The following CEP128 variants were observed in gnomAD, a reference collection of about 807,000 sequenced individuals.
CEP128 encodes centrosomal protein 128.
CEP128 carries 132 observed loss-of-function variants against 156.7 expected under a neutral mutation model. The ratio of observed to expected loss-of-function variants is 0.84; its 90% CI spans 0.73 to 0.97. CEP128 has a LOEUF of 0.97. Among genes scored for constraint, CEP128 ranks in the 50% least tolerant of loss-of-function variants. The pLI, the probability that CEP128 is intolerant of heterozygous loss-of-function variation, is 0.00. For missense variants in CEP128, 1,252 were observed against 1,281.9 expected (o/e 0.98, Z 0.36); for synonymous variants, 469 against 448.9 (o/e 1.04, Z -0.57).
rs185521235 is a variant in CEP128, at chr14:80,525,497, A to G, written c.3072+1372T>C. On this transcript the variant is annotated intron_variant, in intron 23 of 24. Coordinates refer to ENST00000555265, the MANE Select transcript of CEP128 (RefSeq NM_152446.5). ...TTGTGGTTTGTTCTAAAATATGCTC[A>G]ATAATCATTAGCTCTCATAGCCTAA... 3.3e-4 allele frequency among the ~76,000 whole-genome samples: 51 copies of G among 152,308 alleles called. 1 individual carries two copies. The East Asian group carries it at 9.5e-3, about 28-fold the overall frequency.
intron 19 of CEP128, among the ~76,000 whole-genome samples, chr14:80,619,367 G>GACACAC (rs34190837): frequency 0.11 from 15,031 of 139,328 alleles, 878 homozygotes; most frequent in South Asian, 0.15. Context: ...AAGACACACA[G>GACACAC]ACACACACAC....
At chr14:80,799,852 G>GTGCACC (rs1296373167) in intron 13 of CEP128, among the ~76,000 whole-genome samples, 1 of 152,114 alleles carries the variant, frequency 6.6e-6, no homozygotes, top group Non-Finnish European at 1.5e-5. Context: ...AAGACAATAA[G>GTGCACC]TGCACCGCTG....
chr14:80,635,906 G>C (rs1394335427), intron 19 of CEP128, among the ~76,000 whole-genome samples: 3 of 152,202 alleles, frequency 2.0e-5, no homozygotes, highest in Admixed American at 6.5e-5. Flanking sequence ...GAAAAATACA[G>C]CTATCTTCAG....
rs963658686 is a variant in CEP128, at chr14:80,580,327, A to T, written c.2856+47T>A. 5 of 1,275,838 alleles carry T rather than the reference A, an allele frequency of 3.9e-6. No individual in the cohort carries two copies. In the Admixed American group the frequency reaches 8.6e-5, roughly 22 times the overall value. The allele number at this position is 1,275,838 out of a possible 1,614,324, so 79.0% of individuals were successfully genotyped here. ...AATAATAAAGGATAAAAGAGTAAAA[A>T]ACAAATGTTTTCATACCAAGCATGC... On this transcript the variant is annotated intron_variant, in intron 20 of 24. Transcript: ENST00000555265.
intron 2 of CEP128, among the ~76,000 whole-genome samples, chr14:80,937,100 T>G (rs575891166): frequency 4.8e-4 from 73 of 152,280 alleles, no homozygotes; most frequent in African/African-American, 1.6e-3. Flanking sequence ...GGAGGATTGC[T>G]TGAGCCCAAG....
In CEP128 at chr14:80,526,607, C is replaced by A. The variant is rs942554134; in HGVS notation, c.3072+262G>T. ...GACCAGGGGTTTCTTGGCTCTTAAG[C>A]AGCACCAGTTCCCGTAAACAAGTAA... On this transcript the variant is annotated intron_variant, in intron 23 of 24. Coordinates refer to ENST00000555265, the MANE Select transcript of CEP128 (RefSeq NM_152446.5). The A allele has an allele frequency of 1.0e-4, 26 of 261,132 alleles. No individual in the cohort carries two copies. The Admixed American group carries it at 1.3e-3, about 13-fold the overall frequency. 16.2% of individuals were successfully genotyped at this position (261,132 alleles called of 1,614,324 possible). A position where few individuals can be genotyped will look rare whatever the true frequency, so the allele number is the denominator to read the frequency against.
At chr14:80,557,615 G>A (rs2140361290) in intron 21 of CEP128, among the ~76,000 whole-genome samples, 1 of 152,234 alleles carries the variant, frequency 6.6e-6, no homozygotes, top group East Asian at 1.9e-4. Flanking sequence ...CACCAACAAT[G>A]TCATCATACT....
At chr14:80,868,071 T>TC (rs1555358006) in intron 8 of CEP128, among the ~76,000 whole-genome samples, 3 of 151,108 alleles carry the variant, frequency 2.0e-5, no homozygotes, top group Admixed American at 2.0e-4. Flanking sequence ...TGGCAGGGGG[T>TC]GGGGGGAGAC....
intron 13 of CEP128, chr14:80,830,482 T>C: frequency 6.2e-6 from 2 of 320,768 alleles, no homozygotes; most frequent in Non-Finnish European, 1.1e-5. Flanking sequence ...TCATCCATGT[T>C]TAATCTAATT....
chr14:80,739,442 T>C (rs960243538), intron 19 of CEP128, among the ~76,000 whole-genome samples: 8 of 152,150 alleles, frequency 5.3e-5, no homozygotes, highest in Non-Finnish European at 7.4e-5. Context: ...CATCCACCCG[T>C]ATCTTCCAGG....
At chr14:80,807,909 G>A (rs1267269771) in intron 13 of CEP128, among the ~76,000 whole-genome samples, 3 of 152,130 alleles carry the variant, frequency 2.0e-5, no homozygotes, top group East Asian at 3.9e-4. Context: ...GCACAGAACT[G>A]GCTGAACCCA....
intron 6 of CEP128, among the ~76,000 whole-genome samples, chr14:80,902,888 C>G (rs534791468): frequency 6.6e-6 from 1 of 152,130 alleles, no homozygotes; most frequent in Non-Finnish European, 1.5e-5. Context: ...AAACAAAACA[C>G]GTCCAATTAA....
At chr14:80,668,293 GA>G (rs1895708636) in intron 19 of CEP128, among the ~76,000 whole-genome samples, 1 of 152,000 alleles carries the variant, frequency 6.6e-6, no homozygotes, top group Non-Finnish European at 1.5e-5. Flanking sequence ...AAAGAAGAAA[GA>G]AAATTTGCTA....
downstream of CEP128, among the ~76,000 whole-genome samples, chr14:80,493,738 A>C (rs1887401654): frequency 6.6e-6 from 1 of 152,320 alleles, no homozygotes; most frequent in Non-Finnish European, 1.5e-5. Flanking sequence ...TCAGCGGTCA[A>C]CAATAGGGGC....
upstream of CEP128, among the ~76,000 whole-genome samples, chr14:80,945,983 C>T (rs1429877364): frequency 6.6e-6 from 1 of 152,208 alleles, no homozygotes; most frequent in African/African-American, 2.4e-5. Flanking sequence ...GGACCCAAAC[C>T]ACTTGGATTC....
chr14:80,594,817 G>A (rs1362374870), intron 19 of CEP128, among the ~76,000 whole-genome samples: 2 of 152,170 alleles, frequency 1.3e-5, no homozygotes, highest in African/African-American at 4.8e-5. Context: ...AAAAAGTCAG[G>A]AAACAACAGA....
chr14:80,601,121 T>C (rs1274459188), intron 19 of CEP128, among the ~76,000 whole-genome samples: 7 of 152,130 alleles, frequency 4.6e-5, no homozygotes, highest in Non-Finnish European at 7.4e-5. Context: ...AATATTTACA[T>C]ACTTAATACC....
At chr14:80,897,783 AT>A (rs145970053) in intron 7 of CEP128, among the ~76,000 whole-genome samples, 54,819 of 151,244 alleles carry the variant, frequency 0.36, 10,360 homozygotes, top group South Asian at 0.52. Flanking sequence ...CCTCAAATCA[AT>A]TTTTTTTTCC....
At chr14:80,895,673 C>A in intron 8 of CEP128, 45 bp downstream of exon 8, 1 of 1,350,880 alleles carries the variant, frequency 7.4e-7, no homozygotes, top group Non-Finnish European at 1.0e-6. Context: ...GCCTACCCAT[C>A]CTCTACATGT....
Sources: allele counts gnomAD v4.1 joint callset (sites outside exome capture counted in the v4.1 genomes callset), GRCh38; gene constraint gnomAD v4.1.1; transcripts MANE v1.5; gene names NCBI Gene and HGNC (gene_info 2026-07-23, HGNC 2026-07-21).